NFKBIZ: variants seen among roughly 807,000 people sequenced by gnomAD.
The protein encoded by NFKBIZ is NF-kappa-B inhibitor zeta.
NFKBIZ carries 19 observed loss-of-function variants against 76.8 expected under a neutral mutation model. The observed-to-expected ratio is 0.25, with a 90% CI of 0.17 to 0.36. The LOEUF (loss-of-function observed/expected upper bound fraction) is 0.36. NFKBIZ is among the 10% of genes least tolerant of loss of function. The pLI is 1.00. For missense variants in NFKBIZ, 829 were observed against 910.9 expected, an observed-to-expected ratio of 0.91 and a Z score of 1.16; for synonymous variants, 368 against 354.8, an observed-to-expected ratio of 1.04 and a Z score of -0.42.
chr3:101,856,486 T>A (rs1437917247), intron 9 of NFKBIZ, among the ~76,000 whole-genome samples: 1 of 151,932 alleles, frequency 6.6e-6, no homozygotes, highest in Non-Finnish European at 1.5e-5. Flanking sequence ...AAATTGATAT[T>A]GTCATTTTGG....
At chr3:101,834,640 C>T (rs1404509498) in intron 2 of NFKBIZ, among the ~76,000 whole-genome samples, 1 of 152,340 alleles carries the variant, frequency 6.6e-6, no homozygotes, top group Non-Finnish European at 1.5e-5. Flanking sequence ...GGATCACAGG[C>T]GTGAGCCACC....
rs1942922228 is a variant in NFKBIZ, at chr3:101,849,861, C to T, written c.233C>T (p.Ser78Phe). Residue 78 changes from serine to phenylalanine, a missense_variant, in exon 1 of 12, where the codon TCC becomes TTC. Around this residue, in one of 4 missense-constraint regions of NFKBIZ, gnomAD observed 181 missense variants for 175.3 expected, o/e 1.03. Transcript: ENST00000326172. ...SDFSSASSVSSCGAVESRSRG... is the reference protein window; with the variant it reads ...SDFSSASSVSFCGAVESRSRG... ...TTCTCCTCTGCCTCGTCGGTGTCCT[C>T]CTGCGGCGCCGTGGAGTCCCGGTCG... 1.3e-5 allele frequency: 19 copies of T among 1,463,408 alleles called. No homozygotes were observed. The highest frequency in any genetic ancestry group is 1.7e-5 in the Non-Finnish European group (19 of 1,115,652). The allele number at this position is 1,463,408 out of a possible 1,614,324, so 90.7% of individuals were successfully genotyped here. A position where few individuals can be genotyped will look rare whatever the true frequency, so the allele number is the denominator to read the frequency against.
At chr3:101,858,777 C>G (rs920764631) in intron 11 of NFKBIZ, among the ~76,000 whole-genome samples, 1 of 152,138 alleles carries the variant, frequency 6.6e-6, no homozygotes, top group African/African-American at 2.4e-5. Context: ...ATGAATCACT[C>G]TGAATGAGCC....
At chr3:101,852,628 C>G in intron 2 of NFKBIZ, 110 bp from the exon 3 acceptor site, 1 of 707,678 alleles carries the variant, frequency 1.4e-6, no homozygotes, top group Non-Finnish European at 2.4e-6. Flanking sequence ...AAAACCATAT[C>G]AGAGATTTAT....
intron 2 of NFKBIZ, among the ~76,000 whole-genome samples, chr3:101,841,708 T>C (rs1037079367): frequency 3.9e-5 from 6 of 152,236 alleles, no homozygotes; most frequent in Admixed American, 2.6e-4. Context: ...AATCAACATA[T>C]AAGATGATAT....
Position 101,849,694 on chromosome 3 carries a change from C to T in NFKBIZ, c.66C>T (p.Gly22=). The T allele has an allele frequency of 1.0e-5, 14 of 1,396,814 alleles. No individual in the cohort carries two copies. Among genetic ancestry groups the T allele is most frequent in the Non-Finnish European group, 1.2e-5 (13 of 1,082,994 alleles). 86.5% of individuals were successfully genotyped at this position (1,396,814 alleles called of 1,614,324 possible). A position where few individuals can be genotyped will look rare whatever the true frequency, so the allele number is the denominator to read the frequency against. Residue 22 remains glycine, a synonymous_variant, in exon 1 of 12, where the codon GGC becomes GGT. Coordinates refer to ENST00000326172, the MANE Select transcript of NFKBIZ (RefSeq NM_031419.4). ...GGEGLRDAAG[G]CGLMTSPLNL... is the part of the protein sequence containing the mutation. ...AGGGGCTGCGGGACGCGGCGGGCGG[C>T]TGCGGCCTCATGACCAGCCCGCTCA...
intron 2 of NFKBIZ, among the ~76,000 whole-genome samples, chr3:101,835,494 A>G (rs544653459): frequency 6.6e-6 from 1 of 152,212 alleles, no homozygotes; most frequent in East Asian, 1.9e-4. Context: ...GTTCTGGGAG[A>G]TTGGAAGTTC....
chr3:101,835,071 A>G (rs1942700386), intron 2 of NFKBIZ, among the ~76,000 whole-genome samples: 1 of 152,228 alleles, frequency 6.6e-6, no homozygotes, highest in Admixed American at 6.5e-5. Flanking sequence ...CATTGAGTGT[A>G]TATTATGTGC....
intron 11 of NFKBIZ, among the ~76,000 whole-genome samples, chr3:101,858,831 A>T (rs116287153): frequency 0.021 from 3,227 of 151,982 alleles, 54 homozygotes; most frequent in South Asian, 0.064. Context: ...AGATGCTTTA[A>T]TACTTGGATA....
At chr3:101,838,416 C>T (rs1347456393) in intron 2 of NFKBIZ, among the ~76,000 whole-genome samples, 2 of 152,180 alleles carry the variant, frequency 1.3e-5, no homozygotes, top group African/African-American at 4.8e-5. Context: ...CACTGCAGTG[C>T]CTCTAAGCAC....
chr3:101,837,380 TA>T (rs1216623487), intron 2 of NFKBIZ, among the ~76,000 whole-genome samples: 5 of 151,168 alleles, frequency 3.3e-5, no homozygotes, highest in African/African-American at 9.7e-5. Context: ...AAAGGACTAT[TA>T]AAAAATCATT....
At chr3:101,847,583 ATT>A (rs1216115310), upstream of NFKBIZ, among the ~76,000 whole-genome samples, 2 of 152,194 alleles carry the variant, frequency 1.3e-5, no homozygotes, top group African/African-American at 4.8e-5. Flanking sequence ...GGTATAGTCT[ATT>A]GCTCCTGGTC....
At chr3:101,832,757 G>C (rs1323406997) in intron 2 of NFKBIZ, among the ~76,000 whole-genome samples, 2 of 152,140 alleles carry the variant, frequency 1.3e-5, no homozygotes, top group African/African-American at 4.8e-5. Context: ...TGGCTATCAT[G>C]AATAATGCTG....
intron 2 of NFKBIZ, among the ~76,000 whole-genome samples, chr3:101,843,474 T>C (rs1212570833): frequency 2.0e-5 from 3 of 152,162 alleles, no homozygotes; most frequent in Non-Finnish European, 2.9e-5. Context: ...CAATATCTTA[T>C]GTTGGTGAAA....
chr3:101,845,736 C>T (rs1192659986), upstream of NFKBIZ, among the ~76,000 whole-genome samples: 1 of 152,166 alleles, frequency 6.6e-6, no homozygotes, highest in Non-Finnish European at 1.5e-5. Flanking sequence ...ATTTATAAAG[C>T]CTGGGGAAAG....
chr3:101,858,707 G>C (rs1311534909), intron 11 of NFKBIZ, among the ~76,000 whole-genome samples: 1 of 152,098 alleles, frequency 6.6e-6, no homozygotes, highest in Non-Finnish European at 1.5e-5. Flanking sequence ...CTAAATTGTT[G>C]CTTCTAATCT....
At chr3:101,828,049 C>T (rs1272347292) in exon 1 of NFKBIZ, 1 of 152,194 alleles carries the variant, frequency 6.6e-6, no homozygotes, top group Admixed American at 6.5e-5. Context: ...TTAGCTGCTG[C>T]TTATCATGTA....
intron 7 of NFKBIZ, 26 bp downstream of exon 7, chr3:101,855,234 A>C (rs763146817): frequency 6.2e-7 from 1 of 1,601,898 alleles, no homozygotes; most frequent in African/African-American, 1.3e-5. Context: ...CCAGGCTTCC[A>C]TCATTGCAAG....
rs1553810758 is a variant in NFKBIZ at position 101,842,592 on chromosome 3, C to CTTTTCT, written c.-11-9489_-11-9488insCTTTTT. Among the ~76,000 whole-genome samples the CTTTTCT allele has an allele frequency of 8.1e-3, 1,056 of 130,334 alleles. 12 individuals carry two copies. Among genetic ancestry groups the CTTTTCT allele is most frequent in the African/African-American group, 0.028 (1,006 of 35,328 alleles). 85.5% of individuals were successfully genotyped at this position (130,334 alleles called of 152,430 possible). A position where few individuals can be genotyped will look rare whatever the true frequency, so the allele number is the denominator to read the frequency against. The stretch of plus-strand genomic sequence containing the variant: ...TTCTTTTTTCATTTTCTTTTCTTTT[C>CTTTTCT]TTTTTTTTTTTTTTTTAGCTCTTCA... On this transcript the variant is annotated intron_variant, in intron 2 of 12. Transcript: ENST00000394054.
Sources: gnomAD v4.1 joint callset for allele counts (sites outside exome capture counted in the v4.1 genomes callset) on GRCh38, gnomAD v4.1.1 for gene constraint, gnomAD v4.1.1 regional missense constraint, MANE v1.5 for transcripts, NCBI Gene and HGNC (gene_info 2026-07-23, HGNC 2026-07-21) for gene names.